RHBDL3: variants seen among roughly 807,000 people sequenced by gnomAD.
RHBDL3 encodes rhomboid like 3.
A neutral mutation model predicts 48.2 loss-of-function variants in RHBDL3; 28 were observed. The ratio of observed to expected loss-of-function variants is 0.58; its 90% CI spans 0.43 to 0.80. The LOEUF (loss-of-function observed/expected upper bound fraction) is 0.80, where lower values mean the gene tolerates loss of function less well. Among genes scored for constraint, RHBDL3 ranks in the 30% least tolerant of loss-of-function variants. RHBDL3 has a pLI of 0.00. For synonymous variants in RHBDL3, 208 were observed against 232.3 expected, an observed-to-expected ratio of 0.90 and a Z score of 0.95; for missense variants, 464 against 542.7, an observed-to-expected ratio of 0.85 and a Z score of 1.44.
intron 6 of RHBDL3, among the ~76,000 whole-genome samples, chr17:32,302,013 C>CTCAGAATTTTGGGGTGCAGGAT (rs2040594974): frequency 6.6e-6 from 1 of 152,264 alleles, no homozygotes; most frequent in African/African-American, 2.4e-5. Flanking sequence ...CTGGCATGAC[C>CTCAGAATTTTGGGGTGCAGGAT]TCAGAATTTT....
At chr17:32,289,391 T>C (rs2040275413) in intron 4 of RHBDL3, among the ~76,000 whole-genome samples, 1 of 152,100 alleles carries the variant, frequency 6.6e-6, no homozygotes, top group Non-Finnish European at 1.5e-5. Context: ...ATTTAGTTCC[T>C]CCCTAGGTGG....
At chr17:32,270,068 G>C (rs1438133832) in intron 2 of RHBDL3, among the ~76,000 whole-genome samples, 2 of 148,338 alleles carry the variant, frequency 1.3e-5, no homozygotes, top group Non-Finnish European at 3.0e-5. Context: ...GCTAACGCCG[G>C]TAATCCCAGC....
intron 2 of RHBDL3, among the ~76,000 whole-genome samples, chr17:32,273,262 A>G (rs2039816641): frequency 6.6e-6 from 1 of 152,224 alleles, no homozygotes; most frequent in Non-Finnish European, 1.5e-5. Context: ...TTGGCCTCCC[A>G]AAGTACTGGG....
chr17:32,312,571 A>G (rs62064226), intron 7 of RHBDL3, among the ~76,000 whole-genome samples: 75,496 of 151,926 alleles, frequency 0.5, 19,705 homozygotes, highest in Non-Finnish European at 0.58. Flanking sequence ...AGGCTGGAGT[A>G]CAGTGGCGCA....
intron 6 of RHBDL3, among the ~76,000 whole-genome samples, chr17:32,303,172 GGCCC>G: frequency 6.6e-6 from 1 of 152,306 alleles, no homozygotes; most frequent in East Asian, 1.9e-4. Context: ...CCCTCGCAGG[GGCCC>G]ATCCCTGCCT....
chr17:32,308,078 G>A (rs1286685703), intron 7 of RHBDL3, among the ~76,000 whole-genome samples: 2 of 152,188 alleles, frequency 1.3e-5, no homozygotes, highest in African/African-American at 4.8e-5. Flanking sequence ...ACCACTGAAG[G>A]ACCATGGAGT....
At chr17:32,319,982 C>T (rs1402115881) in intron 8 of RHBDL3, among the ~76,000 whole-genome samples, 1 of 152,060 alleles carries the variant, frequency 6.6e-6, no homozygotes, top group African/African-American at 2.4e-5. Flanking sequence ...ATCTTAGAAT[C>T]TGTTACAGGT....
chr17:32,319,805 A>C (rs2041076541), intron 8 of RHBDL3, among the ~76,000 whole-genome samples: 1 of 152,168 alleles, frequency 6.6e-6, no homozygotes, highest in Admixed American at 6.5e-5. Flanking sequence ...TCAGTGTCAA[A>C]TTTGCCTTGG....
intron 2 of RHBDL3, among the ~76,000 whole-genome samples, chr17:32,278,846 G>C (rs896166533): frequency 6.6e-6 from 1 of 152,180 alleles, no homozygotes; most frequent in Non-Finnish European, 1.5e-5. Flanking sequence ...CACACTCAAG[G>C]CTGGGCAGGG....
At chr17:32,300,647 C>T (rs1260982738) in intron 6 of RHBDL3, among the ~76,000 whole-genome samples, 2 of 152,194 alleles carry the variant, frequency 1.3e-5, no homozygotes, top group Non-Finnish European at 2.9e-5. Context: ...GTTTCCAATC[C>T]ACACTTTGTA....
chr17:32,295,330 A>G (rs1163290527), intron 5 of RHBDL3, among the ~76,000 whole-genome samples: 3 of 152,180 alleles, frequency 2.0e-5, no homozygotes, highest in Admixed American at 6.5e-5. Context: ...GCTAATCCCA[A>G]ATTGGCTGCA....
chr17:32,275,620 C>T (rs2039879393), intron 2 of RHBDL3, among the ~76,000 whole-genome samples: 2 of 152,174 alleles, frequency 1.3e-5, no homozygotes, highest in South Asian at 2.1e-4. Flanking sequence ...GGAAGCATGC[C>T]GATTGTCAAG....
intron 2 of RHBDL3, among the ~76,000 whole-genome samples, chr17:32,274,593 A>T (rs1342822258): frequency 6.6e-6 from 1 of 152,218 alleles, no homozygotes; most frequent in African/African-American, 2.4e-5. Context: ...GGCTAGGTGC[A>T]GTAGCTCACA....
chr17:32,283,548 C>A (rs1411158949), intron 2 of RHBDL3, among the ~76,000 whole-genome samples: 1 of 151,986 alleles, frequency 6.6e-6, no homozygotes, highest in South Asian at 2.1e-4. Flanking sequence ...TGGTCTCCAT[C>A]TCCTGACCTT....
intron 3 of RHBDL3, among the ~76,000 whole-genome samples, chr17:32,287,991 G>A (rs927238229): frequency 6.6e-6 from 1 of 152,226 alleles, no homozygotes; most frequent in Admixed American, 6.5e-5. Flanking sequence ...AGGCCGCTGA[G>A]GATAGAGCTG....
Position 32,284,687 on chromosome 17 carries a change from G to A in RHBDL3, c.164G>A (p.Ser55Asn). 6.2e-7 allele frequency: 1 copy of A among 1,614,182 alleles called. No individual in the cohort carries two copies. Among genetic ancestry groups the A allele is most frequent in the South Asian group, 1.1e-5 (1 of 91,082 alleles). ...QFDPGNTGYI[S>N]TGKFRSLLES... Reference sequence around the variant, plus strand: ...GACCCTGGGAACACAGGCTACATTAGCACAGGCAAGTTCCGGAGTCTTCTG... The same window carrying A: ...GACCCTGGGAACACAGGCTACATTAACACAGGCAAGTTCCGGAGTCTTCTG... Residue 55 changes from serine (S) to asparagine (N), a missense_variant, in exon 3 of 9, where the codon AGC (serine) becomes AAC (asparagine). Coordinates refer to ENST00000269051, the MANE Select transcript of RHBDL3 (RefSeq NM_138328.3).
rs1192721321 is a variant in RHBDL3 at position 32,321,375 on chromosome 17, T to G, written c.*146T>G. On this transcript the variant is annotated 3_prime_UTR_variant, in exon 9 of 9. Coordinates refer to ENST00000269051, the MANE Select transcript of RHBDL3 (RefSeq NM_138328.3). ...CCACTGTAATGTTTGTGTTTAGATT[T>G]GGACACACAGTGGAGACCCTTTTCT... 1 of 1,538,898 alleles carries G rather than the reference T, an allele frequency of 6.5e-7. No individual in the cohort carries two copies. The highest frequency in any genetic ancestry group is 8.7e-7 in the Non-Finnish European group (1 of 1,147,662).
chr17:32,291,634 CTG>C (rs952645494), intron 4 of RHBDL3, among the ~76,000 whole-genome samples: 2 of 146,486 alleles, frequency 1.4e-5, no homozygotes, highest in Non-Finnish European at 3.0e-5. Context: ...TGAGCCGAGA[CTG>C]TGCCACTGCA....
chr17:32,289,806 C>T (rs113119887), intron 4 of RHBDL3, among the ~76,000 whole-genome samples: 37 of 152,270 alleles, frequency 2.4e-4, no homozygotes, highest in African/African-American at 8.9e-4. Context: ...TTATGATCTC[C>T]GCTGTTTCTC....
Sources: gnomAD v4.1 joint callset for allele counts (sites outside exome capture counted in the v4.1 genomes callset) on GRCh38, gnomAD v4.1.1 for gene constraint, MANE v1.5 for transcripts, NCBI Gene and HGNC (gene_info 2026-07-23, HGNC 2026-07-21) for gene names.